Variants in KLHDC8A observed in about 807,000 individuals in gnomAD.
The protein encoded by KLHDC8A is kelch domain-containing protein 8A.
Under a neutral mutation model 33.1 loss-of-function variants are expected in KLHDC8A, and 21 were observed. That is an observed-to-expected ratio of 0.64 (90% confidence interval 0.45 to 0.91). The LOEUF is 0.91. Among genes scored for constraint, KLHDC8A ranks in the 40% least tolerant of loss-of-function variants. KLHDC8A has a pLI of 0.00. For synonymous variants in KLHDC8A, 173 were observed against 193.5 expected (o/e 0.89, Z 0.88); for missense variants, 435 against 483.3 (o/e 0.90, Z 0.94).
At chr1:205,343,199 C>T (rs1397758758) in intron 2 of KLHDC8A, 30 bp downstream of exon 2, 1 of 1,545,694 alleles carries the variant, frequency 6.5e-7, no homozygotes, top group Non-Finnish European at 8.8e-7. Context: ...TTCCTTCTCT[C>T]TGGCCGCCCT....
chr1:205,349,391 A>G (rs1173052721), intron 1 of KLHDC8A, among the ~76,000 whole-genome samples: 1 of 152,196 alleles, frequency 6.6e-6, no homozygotes, highest in Non-Finnish European at 1.5e-5. Context: ...GTGGGTATCC[A>G]TTAACGAATG....
chr1:205,351,338 T>A, intron 1 of KLHDC8A: 2 of 915,160 alleles, frequency 2.2e-6, no homozygotes, highest in African/African-American at 1.6e-5. Context: ...CAAGGAATAT[T>A]GCGGGGATTT....
intron 2 of KLHDC8A, among the ~76,000 whole-genome samples, chr1:205,342,268 G>A (rs1057157943): frequency 6.6e-6 from 1 of 152,146 alleles, no homozygotes; most frequent in Admixed American, 6.5e-5. Context: ...ATTTACTGAG[G>A]CCTGGGATGA....
chr1:205,338,555 G>T lies in KLHDC8A; in HGVS notation c.799C>A (p.Arg267=), dbSNP rs376907601. Reference sequence around the variant, plus strand: ...GAGCCAGCCACAAAATCTGCCCGCCGCTTCTTGAGGAAGAACGATCGTTCC... The same window carrying T: ...GAGCCAGCCACAAAATCTGCCCGCCTCTTCTTGAGGAAGAACGATCGTTCC... The part of the protein sequence containing the change: ...KMERSFFLKK[R]RADFVAGSLS... Residue 267 remains arginine, a synonymous_variant, in exon 5 of 6, where the codon CGG becomes AGG. Transcript: ENST00000367155. 1 of 1,614,088 alleles carries T rather than the reference G, an allele frequency of 6.2e-7. No individual in the cohort carries two copies. Among genetic ancestry groups the T allele is most frequent in the African/African-American group, 1.3e-5 (1 of 75,002 alleles).
chr1:205,354,777 G>A (rs552057956), intron 1 of KLHDC8A, among the ~76,000 whole-genome samples: 1 of 152,338 alleles, frequency 6.6e-6, no homozygotes, highest in South Asian at 2.1e-4. Context: ...ATGAATGAAT[G>A]AATGGATGAA....
intron 1 of KLHDC8A, among the ~76,000 whole-genome samples, chr1:205,350,012 G>A (rs549063633): frequency 5.9e-5 from 9 of 152,264 alleles, no homozygotes; most frequent in East Asian, 3.9e-4. Context: ...CTATACAGGC[G>A]GGGAGCCCTA....
intron 1 of KLHDC8A, among the ~76,000 whole-genome samples, chr1:205,352,342 C>G (rs1171287572): frequency 6.6e-6 from 1 of 152,090 alleles, no homozygotes; most frequent in Non-Finnish European, 1.5e-5. Context: ...TTGCTCTCTC[C>G]TCACCTCTCC....
In KLHDC8A at chr1:205,337,164, C is replaced by T. The variant is rs1574903946; in HGVS notation, c.*235G>A. 1.8e-6 allele frequency: 1 copy of T among 553,580 alleles called. No individual in the cohort carries two copies. The highest frequency in any genetic ancestry group is 3.2e-6 in the Non-Finnish European group (1 of 309,570). The allele number at this position is 553,580 out of a possible 1,614,324, so 34.3% of individuals were successfully genotyped here. On this transcript the variant is annotated 3_prime_UTR_variant, in exon 6 of 6. Coordinates refer to ENST00000367155, the MANE Select transcript of KLHDC8A (RefSeq NM_018203.3). ...TTTGCCTGTGCAGTAAGTGAAGACT[C>T]TCTTCAGAGTCAGCTCTGCAGCTGG...
chr1:205,343,457 C>T lies in KLHDC8A; in HGVS notation c.148G>A (p.Glu50Lys). 1 of 1,613,562 alleles carries T rather than the reference C, an allele frequency of 6.2e-7. No homozygotes were observed. Among genetic ancestry groups the T allele is most frequent in the Non-Finnish European group, 8.5e-7 (1 of 1,179,872 alleles). The change falls in exon 2 of 6, where the codon GAG (glutamate) becomes AAG (lysine). Residue 50 changes from glutamate (E) to lysine (K), a missense_variant. By Grantham distance (56) the Glu-to-Lys change is moderately conservative. Transcript: ENST00000367155. ...TGGTCGGCCTCCGGGGAGTAGACCT[C>T]GAAGCAGTCCATGGGGACGCCGTTG... is the stretch of plus-strand genomic sequence containing the variant. ...DDNGVPMDCF[E>K]VYSPEADQWT...
intron 5 of KLHDC8A, 102 bp from the exon 6 acceptor site, chr1:205,337,694 C>G: frequency 1.3e-6 from 1 of 774,406 alleles, no homozygotes; most frequent in South Asian, 1.7e-5. Flanking sequence ...CAAGCAGAAG[C>G]CAAGCAAGGT....
intron 1 of KLHDC8A, among the ~76,000 whole-genome samples, chr1:205,354,902 T>C (rs1663222463): frequency 6.6e-6 from 1 of 152,234 alleles, no homozygotes; most frequent in Non-Finnish European, 1.5e-5. Context: ...CCTTTGGATA[T>C]TTCCCAGGGT....
chr1:205,353,644 C>G (rs1417593628), intron 1 of KLHDC8A, among the ~76,000 whole-genome samples: 2 of 152,158 alleles, frequency 1.3e-5, no homozygotes, highest in Admixed American at 1.3e-4. Flanking sequence ...ATCCTCCCGC[C>G]TCAGTCTCCT....
chr1:205,345,772 C>G (rs1241558850), intron 1 of KLHDC8A, among the ~76,000 whole-genome samples: 1 of 152,032 alleles, frequency 6.6e-6, no homozygotes, highest in Non-Finnish European at 1.5e-5. Context: ...AAACCTTCCA[C>G]CCCCAAAAGT....
At chr1:205,342,935 G>A (rs1662829403) in intron 2 of KLHDC8A, among the ~76,000 whole-genome samples, 1 of 152,148 alleles carries the variant, frequency 6.6e-6, no homozygotes, top group Non-Finnish European at 1.5e-5. Context: ...GAGGCCCCTG[G>A]AATCAGGTCC....
chr1:205,338,631 A>C (rs1302838211), intron 4 of KLHDC8A, 35 bp from the exon 5 acceptor site: 2 of 1,552,798 alleles, frequency 1.3e-6, no homozygotes, highest in Non-Finnish European at 1.8e-6. Context: ...TTATATAGAC[A>C]GAATAAGATA....
intron 2 of KLHDC8A, 38 bp downstream of exon 2, chr1:205,343,191 C>G: frequency 1.9e-6 from 3 of 1,541,738 alleles, no homozygotes; most frequent in Non-Finnish European, 1.8e-6. Flanking sequence ...CCCCCCACTT[C>G]CTTCTCTCTG....
intron 1 of KLHDC8A, among the ~76,000 whole-genome samples, chr1:205,348,040 C>T (rs959817476): frequency 6.6e-6 from 1 of 152,204 alleles, no homozygotes; most frequent in Admixed American, 6.5e-5. Flanking sequence ...ACCACCTTGA[C>T]AGGCTCAGTA....
At chr1:205,346,881 T>TA (rs1662963541) in intron 1 of KLHDC8A, among the ~76,000 whole-genome samples, 1 of 152,046 alleles carries the variant, frequency 6.6e-6, no homozygotes, top group African/African-American at 2.4e-5. Context: ...CGGCTGCCCA[T>TA]ACTGTTTGTG....
intron 2 of KLHDC8A, among the ~76,000 whole-genome samples, chr1:205,341,850 C>T (rs1242585839): frequency 1.3e-5 from 2 of 152,102 alleles, no homozygotes; most frequent in Admixed American, 6.5e-5. Context: ...CGGGTTTCAC[C>T]ATGTTAGCTG....
Sources: gnomAD v4.1 joint callset for allele counts (sites outside exome capture counted in the v4.1 genomes callset) on GRCh38, gnomAD v4.1.1 for gene constraint, MANE v1.5 for transcripts, NCBI Gene and HGNC (gene_info 2026-07-23, HGNC 2026-07-21) for gene names.